The following PPP1R21 variants were observed in gnomAD, a reference collection of about 807,000 sequenced individuals.
The protein encoded by PPP1R21 is protein phosphatase 1 regulatory subunit 21, also known as KLRAQ motif containing 1.
A neutral mutation model predicts 112.8 loss-of-function variants in PPP1R21; 85 were observed. That is an observed-to-expected ratio of 0.75 (90% CI 0.63 to 0.90). The LOEUF (loss-of-function observed/expected upper bound fraction) is 0.90, where lower values mean the gene tolerates loss of function less well. Ranked by LOEUF, PPP1R21 falls within the 40% of genes least tolerant of loss-of-function variation. The probability of loss-of-function intolerance (pLI) is 0.00; values close to 1 mark genes in which losing one functional copy is unlikely to be tolerated. For missense variants in PPP1R21, 1,199 were observed against 901.5 expected, an observed-to-expected ratio of 1.33 and a Z score of -4.23; for synonymous variants, 381 against 322.3, an observed-to-expected ratio of 1.18 and a Z score of -1.95.
chr2:48,490,646 A>G (rs772040772), intron 14 of PPP1R21, among the ~76,000 whole-genome samples: 1 of 152,244 alleles, frequency 6.6e-6, no homozygotes, highest in South Asian at 2.1e-4. Context: ...ATTCAAAGTT[A>G]AAATATGGAA....
intron 9 of PPP1R21, among the ~76,000 whole-genome samples, chr2:48,468,130 C>T (rs536434433): frequency 2.0e-5 from 3 of 152,324 alleles, no homozygotes; most frequent in Admixed American, 2.0e-4. Context: ...AATATACTTA[C>T]TCTCTCTGCG....
intron 17 of PPP1R21, among the ~76,000 whole-genome samples, chr2:48,501,152 G>A (rs1670094326): frequency 6.6e-6 from 1 of 152,202 alleles, no homozygotes; most frequent in Admixed American, 6.5e-5. Context: ...TATAAATGAG[G>A]TAATGAGAGG....
chr2:48,461,170 T>A lies in PPP1R21; in HGVS notation c.632T>A (p.Leu211Ter). ...QLQLKTLHED[L>*]SGRLEESLSI... ...CAGTTAAAGACTCTTCATGAAGATT[T>A]GTCAGGTAGATTAGAGGAATCCTTA... The change falls in exon 7 of 22, where the codon TTG becomes TAG. Residue 211 changes from leucine (L) to a stop codon, truncating the protein, a stop_gained. Transcript: ENST00000294952. LOFTEE classifies it high-confidence loss of function. 6.3e-7 allele frequency: 1 copy of A among 1,583,108 alleles called. No homozygotes were observed. The highest frequency in any genetic ancestry group is 8.5e-7 in the Non-Finnish European group (1 of 1,171,044).
At chr2:48,509,883 G>A in intron 19 of PPP1R21, 132 bp from the exon 20 acceptor site, 4 of 591,258 alleles carry the variant, frequency 6.8e-6, no homozygotes, top group Non-Finnish European at 1.2e-5. Flanking sequence ...ATGCCTATAG[G>A]TATTCAACAG....
chr2:48,464,957 C>T lies in PPP1R21; in HGVS notation c.715C>T (p.Leu239=), dbSNP rs143094762. The change falls in exon 8 of 22, where the codon CTG becomes TTG. Residue 239 remains leucine, a synonymous_variant. Transcript: ENST00000294952. ...NDTKYSQYNA[L]NVPLHNRRHQ... Reference sequence around the variant, plus strand: ...TGTAGAATATAGTCAGTACAACGCTCTGAACGTTCCACTCCACAATAGGAG... The same window carrying T: ...TGTAGAATATAGTCAGTACAACGCTTTGAACGTTCCACTCCACAATAGGAG... The T allele has an allele frequency of 6.4e-6, 10 of 1,560,548 alleles. No homozygotes were observed. Among genetic ancestry groups the T allele is most frequent in the Non-Finnish European group, 7.7e-6 (9 of 1,163,536 alleles).
intron 17 of PPP1R21, among the ~76,000 whole-genome samples, chr2:48,504,049 G>A (rs1670258391): frequency 6.6e-6 from 1 of 152,038 alleles, no homozygotes; most frequent in South Asian, 2.1e-4. Context: ...CCGGGAGTAA[G>A]GGGGTGAGGA....
rs555345627 is a variant in PPP1R21 at position 48,484,677 on chromosome 2, CA to C, written c.1319-1953del. 5.4e-4 allele frequency among the ~76,000 whole-genome samples: 82 copies of C among 152,206 alleles called. 1 individual carries two copies. The highest frequency in any genetic ancestry group is 2.5e-3 in the South Asian group (12 of 4,818). ...GATTACAGGCACATGCCACTACACC[CA>C]GCAATTTTTGTATTTTTAGTAGACA... On this transcript the variant is annotated intron_variant, in intron 13 of 21. Coordinates refer to ENST00000294952, the MANE Select transcript of PPP1R21 (RefSeq NM_001135629.3).
chr2:48,501,891 G>C (rs989872743), intron 17 of PPP1R21: 3 of 151,890 alleles, frequency 2.0e-5, no homozygotes, highest in African/African-American at 7.3e-5. Context: ...GGTAACACTG[G>C]CATATATATT....
chr2:48,455,913 G>A (rs149780470), intron 3 of PPP1R21, among the ~76,000 whole-genome samples: 2,476 of 151,684 alleles, frequency 0.016, 32 homozygotes, highest in South Asian at 0.039. Flanking sequence ...GCTCGGGGGA[G>A]CTGAGGCAGG....
At chr2:48,493,659 A>C (rs1017204842) in intron 15 of PPP1R21, among the ~76,000 whole-genome samples, 1 of 152,206 alleles carries the variant, frequency 6.6e-6, no homozygotes, top group African/African-American at 2.4e-5. Flanking sequence ...CTGATATAAG[A>C]TGTCAAAGAA....
At chr2:48,491,736 C>T (rs1669574225) in intron 15 of PPP1R21, among the ~76,000 whole-genome samples, 1 of 151,924 alleles carries the variant, frequency 6.6e-6, no homozygotes, top group Non-Finnish European at 1.5e-5. Flanking sequence ...TATTTAGGTG[C>T]ATGTACTGTT....
chr2:48,481,836 T>A (rs1198432938), intron 13 of PPP1R21, among the ~76,000 whole-genome samples: 1 of 152,224 alleles, frequency 6.6e-6, no homozygotes, highest in Non-Finnish European at 1.5e-5. Context: ...AGTGCCATCA[T>A]GACACCATAA....
At chr2:48,456,212 A>G (rs1667719793) in intron 3 of PPP1R21, among the ~76,000 whole-genome samples, 2 of 149,546 alleles carry the variant, frequency 1.3e-5, no homozygotes, top group African/African-American at 4.9e-5. Flanking sequence ...AAGGTGGATA[A>G]TCTGGTACTT....
At chr2:48,448,975 C>T (rs942723477) in intron 1 of PPP1R21, among the ~76,000 whole-genome samples, 9 of 151,114 alleles carry the variant, frequency 6.0e-5, no homozygotes, top group Non-Finnish European at 1.3e-4. Context: ...CCAATTTGGC[C>T]CTCAGACCTT....
chr2:48,470,310 G>A (rs1668442167), intron 9 of PPP1R21, among the ~76,000 whole-genome samples: 1 of 152,040 alleles, frequency 6.6e-6, no homozygotes, highest in Non-Finnish European at 1.5e-5. Flanking sequence ...CTGAGGTCAG[G>A]AGTTCAAGAC....
At chr2:48,480,162 A>G in intron 13 of PPP1R21, 146 bp downstream of exon 13, 2 of 645,878 alleles carry the variant, frequency 3.1e-6, no homozygotes, top group Non-Finnish European at 5.5e-6. Flanking sequence ...TGCACAGCTC[A>G]CTGCCTTCTG....
intron 17 of PPP1R21, 73 bp downstream of exon 17, chr2:48,498,808 A>G (rs763975513): frequency 3.7e-5 from 54 of 1,463,898 alleles, no homozygotes; most frequent in Non-Finnish European, 5.1e-5. Context: ...GTTCAACATT[A>G]ACCATTGTCT....
At chr2:48,504,148 T>G (rs149255400) in intron 17 of PPP1R21, among the ~76,000 whole-genome samples, 2 of 152,238 alleles carry the variant, frequency 1.3e-5, no homozygotes, top group East Asian at 1.9e-4. Context: ...TGGAGTATTA[T>G]TCCAAGCAAT....
intron 4 of PPP1R21, among the ~76,000 whole-genome samples, chr2:48,458,696 C>G (rs1014126001): frequency 1.3e-5 from 2 of 151,028 alleles, no homozygotes; most frequent in African/African-American, 4.9e-5. Context: ...TGTATGTTTC[C>G]TATGCCTAGT....
Sources: gnomAD v4.1 joint callset for allele counts (sites outside exome capture counted in the v4.1 genomes callset) on GRCh38, gnomAD v4.1.1 for gene constraint, MANE v1.5 for transcripts, NCBI Gene and HGNC (gene_info 2026-07-23, HGNC 2026-07-21) for gene names.